Variants in SHROOM4 observed in about 807,000 individuals in gnomAD.
SHROOM4 encodes protein Shroom4.
Under a neutral mutation model 80.3 loss-of-function variants are expected in SHROOM4, and 17 were observed. The observed-to-expected ratio is 0.21, with a 90% CI of 0.14 to 0.32. The LOEUF is 0.32. Among genes scored for constraint, SHROOM4 ranks in the 10% least tolerant of loss-of-function variants. The probability of loss-of-function intolerance (pLI) is 1.00; values close to 1 mark genes in which losing one functional copy is unlikely to be tolerated. For missense variants in SHROOM4, 993 were observed against 1,140.3 expected (o/e 0.87, Z 1.86); for synonymous variants, 400 against 437.5 (o/e 0.91, Z 1.07).
chrX:50,807,580 C>T (rs919846698), intron 1 of SHROOM4, among the ~76,000 whole-genome samples: 4 of 111,969 alleles, frequency 3.6e-5, no homozygotes, highest in African/African-American at 1.3e-4. Flanking sequence ...GACTTTGACA[C>T]TATTCATTAA....
chrX:50,638,613 T>C (rs1352566488), intron 2 of SHROOM4, among the ~76,000 whole-genome samples: 1 of 112,541 alleles, frequency 8.9e-6, no homozygotes, highest in Non-Finnish European at 1.9e-5. Flanking sequence ...TGCTGCCTAA[T>C]GAACAGTGAG....
chrX:50,707,346 T>C (rs1462932090), intron 1 of SHROOM4, among the ~76,000 whole-genome samples: 1 of 112,472 alleles, frequency 8.9e-6, no homozygotes, highest in Non-Finnish European at 1.9e-5. Context: ...TATAAACAAA[T>C]TCACAAGTCA....
At chrX:50,661,859 G>A (rs782037535) in intron 2 of SHROOM4, among the ~76,000 whole-genome samples, 1 of 111,587 alleles carries the variant, frequency 9.0e-6, no homozygotes, top group South Asian at 3.8e-4. Flanking sequence ...ATCTGGGCAT[G>A]TGTTCTTCCC....
At chrX:50,776,687 C>CT (rs1236073338) in intron 1 of SHROOM4, among the ~76,000 whole-genome samples, 7 of 109,342 alleles carry the variant, frequency 6.4e-5, no homozygotes, top group East Asian at 2.9e-4. Context: ...GACTTTTTTT[C>CT]TTTTTTTTTA....
chrX:50,757,416 C>A (rs1430598171), intron 1 of SHROOM4, among the ~76,000 whole-genome samples: 1 of 111,679 alleles, frequency 9.0e-6, no homozygotes, highest in Non-Finnish European at 1.9e-5. Flanking sequence ...TGAAATTGGC[C>A]ACTGTAGGTC....
At chrX:50,709,076 C>G (rs1047796853) in intron 1 of SHROOM4, among the ~76,000 whole-genome samples, 1 of 111,079 alleles carries the variant, frequency 9.0e-6, no homozygotes. Flanking sequence ...AGAGAGGCAG[C>G]CAGAGGTCCA....
At chrX:50,702,058 A>T (rs1397151476) in intron 1 of SHROOM4, among the ~76,000 whole-genome samples, 1 of 112,325 alleles carries the variant, frequency 8.9e-6, no homozygotes, top group African/African-American at 3.2e-5. Flanking sequence ...CCAATTAACA[A>T]TTGGCAAGGC....
chrX:50,687,278 TTTTTTA>T (rs1933099798), intron 2 of SHROOM4: 1 of 107,745 alleles, frequency 9.3e-6, no homozygotes, highest in Admixed American at 9.8e-5. Context: ...TTTTTTTTTT[TTTTTTA>T]AAAACAGCTA....
At chrX:50,675,266 C>A (rs1364580041) in intron 2 of SHROOM4, among the ~76,000 whole-genome samples, 1 of 111,007 alleles carries the variant, frequency 9.0e-6, no homozygotes, top group Non-Finnish European at 1.9e-5. Flanking sequence ...TATAACAAAC[C>A]CCCATGACAC....
At chrX:50,598,108 G>C (rs1399806618) in intron 8 of SHROOM4, among the ~76,000 whole-genome samples, 158 bp downstream of exon 8, 1 of 111,316 alleles carries the variant, frequency 9.0e-6, no homozygotes, top group Non-Finnish European at 1.9e-5. Flanking sequence ...CAAAGTACTG[G>C]GATTACAGAC....
At chrX:50,659,993 C>T (rs1932441708) in intron 2 of SHROOM4, among the ~76,000 whole-genome samples, 1 of 112,053 alleles carries the variant, frequency 8.9e-6, no homozygotes, top group African/African-American at 3.2e-5. Flanking sequence ...TTAGCCTTTA[C>T]TCAAGTAATG....
At chrX:50,691,104 CA>C (rs1293548757) in intron 2 of SHROOM4, among the ~76,000 whole-genome samples, 2 of 112,026 alleles carry the variant, frequency 1.8e-5, no homozygotes, top group Non-Finnish European at 3.8e-5. Flanking sequence ...AATTGTTTTT[CA>C]AATCTTCTAA....
chrX:50,637,424 G>T (rs530560975), intron 3 of SHROOM4, among the ~76,000 whole-genome samples: 2 of 112,516 alleles, frequency 1.8e-5, no homozygotes, highest in African/African-American at 6.4e-5. Context: ...CTGCTGAAAA[G>T]AACAAAAACA....
chrX:50,749,924 A>G (rs1251842308), intron 1 of SHROOM4, among the ~76,000 whole-genome samples: 1 of 111,539 alleles, frequency 9.0e-6, no homozygotes, highest in Non-Finnish European at 1.9e-5. Flanking sequence ...GGTTTTTAGA[A>G]GACCTCCATC....
At chrX:50,714,016 T>C (rs1302438164) in intron 1 of SHROOM4, among the ~76,000 whole-genome samples, 2 of 112,149 alleles carry the variant, frequency 1.8e-5, no homozygotes, top group Non-Finnish European at 3.8e-5. Flanking sequence ...ACAAAAATCA[T>C]TTCATTCTTC....
rs782630302 is a variant in SHROOM4, at chrX:50,634,758, C to T, written c.1315G>A (p.Val439Ile). The T allele has an allele frequency of 6.5e-5, 79 of 1,209,656 alleles. No homozygotes were observed. The South Asian group carries it at 1.0e-3, about 16-fold the overall frequency. The part of the protein sequence containing the change: ...RGSKGMELPP[V>I]QDGHQWTLSP... The stretch of plus-strand genomic sequence containing the variant: ...AGAGTCCACTGGTGCCCATCCTGTA[C>T]GGGTGGGAGCTCCATCCCTTTGCTG... Residue 439 changes from valine (V) to isoleucine (I), a missense_variant, in exon 4 of 9, where the codon GTA (valine) becomes ATA (isoleucine). Physicochemically the swap from Val to Ile is conservative, Grantham distance 29. Coordinates refer to ENST00000376020, the MANE Select transcript of SHROOM4 (RefSeq NM_020717.5).
chrX:50,813,151 C>T (rs1557273606), intron 1 of SHROOM4, among the ~76,000 whole-genome samples: 1 of 91,213 alleles, frequency 1.1e-5, no homozygotes, highest in Non-Finnish European at 2.2e-5. Flanking sequence ...GCGGCGGCGG[C>T]GGCGGCAGTG....
At chrX:50,743,805 C>T (rs1407561229) in intron 1 of SHROOM4, among the ~76,000 whole-genome samples, 1 of 112,019 alleles carries the variant, frequency 8.9e-6, no homozygotes, top group African/African-American at 3.3e-5. Context: ...GTGCTAGCAA[C>T]ACATTCTCCT....
intron 2 of SHROOM4, among the ~76,000 whole-genome samples, chrX:50,660,341 C>T (rs946985507): frequency 9.0e-6 from 1 of 111,323 alleles, no homozygotes; most frequent in Non-Finnish European, 1.9e-5. Context: ...GCTGCTGATC[C>T]AAGGACCACA....
Sources: gnomAD v4.1 joint callset for allele counts (sites outside exome capture counted in the v4.1 genomes callset) on GRCh38, gnomAD v4.1.1 for gene constraint, MANE v1.5 for transcripts, NCBI Gene and HGNC (gene_info 2026-07-23, HGNC 2026-07-21) for gene names.